FRZB: variants seen among roughly 807,000 people sequenced by gnomAD.
The protein encoded by FRZB is frizzled related protein.
FRZB carries 34 observed loss-of-function variants against 32.5 expected under a neutral mutation model. The ratio of observed to expected loss-of-function variants is 1.05; its 90% CI spans 0.80 to 1.39. The LOEUF is 1.39. FRZB is among the 40% of genes most tolerant of loss of function. The pLI is 0.00. For synonymous variants in FRZB, 170 were observed against 159.2 expected (o/e 1.07, Z -0.51); for missense variants, 423 against 424.8 (o/e 1.00, Z 0.04).
At chr2:182,847,188 A>C (rs1217833605) in intron 2 of FRZB, among the ~76,000 whole-genome samples, 2 of 152,204 alleles carry the variant, frequency 1.3e-5, no homozygotes, top group African/African-American at 2.4e-5. Flanking sequence ...ATTAAAACAC[A>C]ATGTATATGT....
chr2:182,857,540 C>T (rs1695783248), intron 2 of FRZB, among the ~76,000 whole-genome samples: 1 of 151,100 alleles, frequency 6.6e-6, no homozygotes, highest in African/African-American at 2.4e-5. Flanking sequence ...TTGCTTGAAC[C>T]CAGGAAGTGG....
intron 3 of FRZB, among the ~76,000 whole-genome samples, chr2:182,840,195 G>T (rs1244909791): frequency 6.6e-6 from 1 of 152,028 alleles, no homozygotes; most frequent in Non-Finnish European, 1.5e-5. Flanking sequence ...TCCCTATTCT[G>T]TATTTAACAA....
Position 182,858,892 on chromosome 2 carries a change from A to G in FRZB, c.479-59T>C, listed in dbSNP as rs924789572. ...ATATCTATTTCAAGAATTCCTAAAG[A>G]TAAAAATCTAACTCAGTCACAAGTT... On this transcript the variant is annotated intron_variant, in intron 1 of 5. Transcript: ENST00000295113. 290 of 1,387,882 alleles carry G rather than the reference A, an allele frequency of 2.1e-4. 2 individuals carry two copies. The highest frequency in any genetic ancestry group is 3.6e-4 in the Middle Eastern group (2 of 5,618). 86.0% of individuals were successfully genotyped at this position (1,387,882 alleles called of 1,614,324 possible).
At chr2:182,842,280 C>G (rs1695594502) in intron 3 of FRZB, among the ~76,000 whole-genome samples, 198 bp downstream of exon 3, 1 of 152,138 alleles carries the variant, frequency 6.6e-6, no homozygotes, top group South Asian at 2.1e-4. Context: ...CAACATCAAC[C>G]AAGTGTTAAG....
chr2:182,842,153 A>T (rs1186829793), intron 3 of FRZB, among the ~76,000 whole-genome samples: 1 of 152,226 alleles, frequency 6.6e-6, no homozygotes, highest in African/African-American at 2.4e-5. Context: ...ATGCAACCCA[A>T]CTTGAGCTCA....
At chr2:182,852,911 T>C (rs1695725693) in intron 2 of FRZB, among the ~76,000 whole-genome samples, 1 of 152,174 alleles carries the variant, frequency 6.6e-6, no homozygotes, top group African/African-American at 2.4e-5. Flanking sequence ...ATATATTAAC[T>C]AGAGTGAAAG....
chr2:182,861,687 A>G (rs1318076950), intron 1 of FRZB, among the ~76,000 whole-genome samples: 4 of 152,206 alleles, frequency 2.6e-5, no homozygotes. Flanking sequence ...GCCAATTCTT[A>G]ATTATTCAAA....
In FRZB at chr2:182,866,086, G is replaced by T. The variant is rs1437474846; in HGVS notation, c.467C>A (p.Ala156Glu). 1.2e-6 allele frequency: 2 copies of T among 1,609,190 alleles called. No individual in the cohort carries two copies. The highest frequency in any genetic ancestry group is 1.7e-6 in the Non-Finnish European group (2 of 1,176,330). ...VCISPEAIVTADGADFPMDSS... is the reference protein window; with the variant it reads ...VCISPEAIVTEDGADFPMDSS... The stretch of plus-strand genomic sequence containing the variant: ...GTGTCAAAACTCACCAGCTCCGTCC[G>T]CAGTAACGATGGCCTCGGGAGAGAT... Residue 156 changes from alanine (A) to glutamate (E), a missense_variant, in exon 1 of 6, where the codon GCG (alanine) becomes GAG (glutamate). Transcript: ENST00000295113. This position sits in a 1 kb window ranked among gnomAD's most constrained non-coding sequence, Gnocchi z 4.5.
chr2:182,864,236 C>A (rs73042116), intron 1 of FRZB, among the ~76,000 whole-genome samples: 1 of 152,126 alleles, frequency 6.6e-6, no homozygotes, highest in African/African-American at 2.4e-5. Context: ...AGCCATTAAC[C>A]TTGCCAAACC....
chr2:182,838,086 G>T, intron 4 of FRZB, 75 bp from the exon 5 acceptor site: 2 of 1,099,172 alleles, frequency 1.8e-6, no homozygotes, highest in Non-Finnish European at 2.7e-6. Context: ...AACAGTACTT[G>T]AACAAGAAAG....
intron 1 of FRZB, among the ~76,000 whole-genome samples, chr2:182,860,166 T>A (rs1335403170): frequency 6.6e-6 from 1 of 152,200 alleles, no homozygotes; most frequent in African/African-American, 2.4e-5. Context: ...CTTCCATTCT[T>A]ATTCAAAGGA....
Position 182,866,541 on chromosome 2 carries a change from G to A in FRZB, c.12C>T (p.Gly4=), listed in dbSNP as rs1216193433. MVC[G]SPGGMLLLRA... ...GCAGCAGCAGCATCCCTCCCGGGCT[G>A]CCGCAGACCATGATCCCGGCAGGAT... Residue 4 remains glycine, a synonymous_variant, in exon 1 of 6, where the codon GGC becomes GGT. Transcript: ENST00000295113. This position sits in a 1 kb window ranked among gnomAD's most constrained non-coding sequence, Gnocchi z 4.5. 6.9e-7 allele frequency: 1 copy of A among 1,459,412 alleles called. No individual in the cohort carries two copies. The highest frequency in any genetic ancestry group is 9.0e-7 in the Non-Finnish European group (1 of 1,108,184). The allele number at this position is 1,459,412 out of a possible 1,614,324, so 90.4% of individuals were successfully genotyped here. A position where few individuals can be genotyped will look rare whatever the true frequency, so the allele number is the denominator to read the frequency against.
intron 1 of FRZB, among the ~76,000 whole-genome samples, chr2:182,859,347 G>A (rs1283853723): frequency 6.6e-6 from 1 of 151,926 alleles, no homozygotes; most frequent in Non-Finnish European, 1.5e-5. Context: ...TACTATTCAG[G>A]GACTATTCAA....
At chr2:182,863,319 A>C (rs1695855469) in intron 1 of FRZB, among the ~76,000 whole-genome samples, 1 of 152,264 alleles carries the variant, frequency 6.6e-6, no homozygotes, top group Non-Finnish European at 1.5e-5. Flanking sequence ...TCAGATAATC[A>C]GTTGTACATG....
intron 1 of FRZB, among the ~76,000 whole-genome samples, chr2:182,860,140 G>A (rs1042370995): frequency 6.6e-6 from 1 of 152,138 alleles, no homozygotes; most frequent in African/African-American, 2.4e-5. Flanking sequence ...GCTAAGCCAA[G>A]GAGAGTGTTT....
At chr2:182,855,104 C>A (rs892545933) in intron 2 of FRZB, among the ~76,000 whole-genome samples, 13 of 152,174 alleles carry the variant, frequency 8.5e-5, no homozygotes, top group African/African-American at 2.9e-4. Flanking sequence ...GGAAATGGAA[C>A]TGACATTAAA....
chr2:182,842,644 G>A, intron 2 of FRZB, 101 bp from the exon 3 acceptor site: 1 of 813,660 alleles, frequency 1.2e-6, no homozygotes, highest in Non-Finnish European at 2.0e-6. Flanking sequence ...CAATTTGGTG[G>A]TGAGAAGGCT....
At chr2:182,841,628 G>A (rs893051253) in intron 3 of FRZB, among the ~76,000 whole-genome samples, 1 of 152,084 alleles carries the variant, frequency 6.6e-6, no homozygotes, top group Non-Finnish European at 1.5e-5. Flanking sequence ...AGTCCCTTAT[G>A]TGTCAACGGG....
intron 1 of FRZB, among the ~76,000 whole-genome samples, chr2:182,864,574 T>C (rs1214777409): frequency 6.6e-6 from 1 of 152,242 alleles, no homozygotes; most frequent in African/African-American, 2.4e-5. Context: ...ATAGGTATAT[T>C]CAAAAAGTGA....
Sources: gnomAD v4.1 joint callset for allele counts (sites outside exome capture counted in the v4.1 genomes callset) on GRCh38, gnomAD v4.1.1 for gene constraint, Gnocchi (gnomAD v3.1) non-coding constraint, MANE v1.5 for transcripts, NCBI Gene and HGNC (gene_info 2026-07-23, HGNC 2026-07-21) for gene names.